The following WWOX variants were observed in gnomAD, a reference collection of about 807,000 sequenced individuals.
WWOX encodes WW domain containing oxidoreductase.
Under a neutral mutation model 46.2 loss-of-function variants are expected in WWOX, and 69 were observed. The ratio of observed to expected loss-of-function variants is 1.49; its 90% CI spans 1.23 to 1.82. The LOEUF (loss-of-function observed/expected upper bound fraction) is 1.82, where lower values mean the gene tolerates loss of function less well. WWOX is among the 40% of genes most tolerant of loss of function. The pLI is 0.00. For synonymous variants in WWOX, 359 were observed against 202.6 expected (o/e 1.77, Z -6.56); for missense variants, 919 against 542.6 (o/e 1.69, Z -6.89).
At chr16:78,426,549 A>T (rs373360990) in intron 7 of WWOX, among the ~76,000 whole-genome samples, 29 of 152,260 alleles carry the variant, frequency 1.9e-4, no homozygotes, top group African/African-American at 7.0e-4. Flanking sequence ...CTTGAATTAG[A>T]CCTATGTTAG....
intron 8 of WWOX, among the ~76,000 whole-genome samples, chr16:79,022,038 G>T (rs754772937): frequency 3.0e-4 from 45 of 152,208 alleles, no homozygotes; most frequent in Non-Finnish European, 5.4e-4. Flanking sequence ...CACATGAATA[G>T]GAGAGGGTTA....
chr16:79,140,861 A>T (rs1364700077), intron 8 of WWOX, among the ~76,000 whole-genome samples: 3 of 152,194 alleles, frequency 2.0e-5, no homozygotes, highest in Non-Finnish European at 4.4e-5. Flanking sequence ...CAGTTTCCGT[A>T]CGTCAGTTTC....
chr16:78,694,800 TAA>T (rs1368801197), intron 8 of WWOX, among the ~76,000 whole-genome samples: 5 of 152,050 alleles, frequency 3.3e-5, no homozygotes, highest in African/African-American at 7.2e-5. Context: ...GCTCTTGATT[TAA>T]GTCCTGAATC....
intron 8 of WWOX, among the ~76,000 whole-genome samples, chr16:79,095,223 C>G (rs908096171): frequency 1.3e-5 from 2 of 152,230 alleles, no homozygotes; most frequent in Non-Finnish European, 2.9e-5. Context: ...CCCAACAGGG[C>G]TTTCTCCCTC....
At chr16:78,817,172 C>CTTTTTTTTTTTTTTTTTTTTTT (rs33981779) in intron 8 of WWOX, among the ~76,000 whole-genome samples, 1 of 51,594 alleles carries the variant, frequency 1.9e-5, no homozygotes, top group Non-Finnish European at 3.4e-5. Flanking sequence ...TAGTGCTATT[C>CTTTTTTTTTTTTTTTTTTTTTT]TTTTTTTTTT....
At chr16:78,129,048 G>A (rs2033481180) in intron 4 of WWOX, among the ~76,000 whole-genome samples, 1 of 152,168 alleles carries the variant, frequency 6.6e-6, no homozygotes, top group African/African-American at 2.4e-5. Context: ...CTCAGTCAGG[G>A]TGTGGAGTCA....
chr16:78,612,554 C>A (rs1010472464), intron 8 of WWOX, among the ~76,000 whole-genome samples: 1 of 152,212 alleles, frequency 6.6e-6, no homozygotes, highest in Non-Finnish European at 1.5e-5. Context: ...GATTTCATTG[C>A]AGCCTGGAAC....
At chr16:78,728,130 T>G (rs183429664) in intron 8 of WWOX, among the ~76,000 whole-genome samples, 1 of 135,570 alleles carries the variant, frequency 7.4e-6, no homozygotes, top group East Asian at 2.5e-4. Context: ...AGTGGCCCAG[T>G]CACAGGTTAC....
chr16:78,401,877 T>C (rs1023134619), intron 6 of WWOX, among the ~76,000 whole-genome samples: 2 of 152,086 alleles, frequency 1.3e-5, no homozygotes, highest in African/African-American at 4.8e-5. Flanking sequence ...TTTTTGTATT[T>C]TTAGTAGACA....
rs577338141 is a variant in WWOX at position 78,670,230 on chromosome 16, G to C, written c.1056+237478G>C. On this transcript the variant is annotated intron_variant, in intron 8 of 8. Transcript: ENST00000566780. Reference sequence around the variant, plus strand: ...AGCTGGAGTTTAGGAAGGCCAGGCAGCGTGTGTTGAATGCCAGCCACTCTT... The same window carrying C: ...AGCTGGAGTTTAGGAAGGCCAGGCACCGTGTGTTGAATGCCAGCCACTCTT... 5.3e-5 allele frequency among the ~76,000 whole-genome samples: 8 copies of C among 152,272 alleles called. No homozygotes were observed. The South Asian group carries it at 1.5e-3, about 28-fold the overall frequency.
intron 6 of WWOX, among the ~76,000 whole-genome samples, chr16:78,410,498 T>C (rs2082654442): frequency 6.6e-6 from 1 of 152,110 alleles, no homozygotes; most frequent in South Asian, 2.1e-4. Context: ...TCAGGGTCTT[T>C]CTTGGGCTGC....
chr16:78,600,320 A>G (rs887853825), intron 8 of WWOX, among the ~76,000 whole-genome samples: 1 of 151,978 alleles, frequency 6.6e-6, no homozygotes, highest in Non-Finnish European at 1.5e-5. Context: ...TAAATAAGAG[A>G]AACAGACCAA....
At chr16:78,313,928 C>T (rs1294744401) in intron 5 of WWOX, among the ~76,000 whole-genome samples, 1 of 152,172 alleles carries the variant, frequency 6.6e-6, no homozygotes, top group Non-Finnish European at 1.5e-5. Context: ...TCCCCAGTGA[C>T]ACTTCCCTTA....
chr16:78,606,854 G>A (rs1490769145), intron 8 of WWOX, among the ~76,000 whole-genome samples: 2 of 151,684 alleles, frequency 1.3e-5, no homozygotes, highest in Admixed American at 6.6e-5. Context: ...GAATGTAACT[G>A]AGTACCTGAA....
chr16:78,885,957 C>G (rs112848091), intron 8 of WWOX, among the ~76,000 whole-genome samples: 77 of 130,484 alleles, frequency 5.9e-4, no homozygotes, highest in African/African-American at 1.9e-3. Context: ...CAGAGTTTTG[C>G]TCTGTTGCCC....
chr16:78,815,927 A>G (rs1168100675), intron 8 of WWOX, among the ~76,000 whole-genome samples: 2 of 151,980 alleles, frequency 1.3e-5, no homozygotes, highest in Non-Finnish European at 2.9e-5. Context: ...CAACCCATTC[A>G]CTGGCCCTGC....
chr16:78,763,926 T>G lies in WWOX; in HGVS notation c.1056+331174T>G, dbSNP rs1163630492. On this transcript the variant is annotated intron_variant, in intron 8 of 8. Coordinates refer to ENST00000566780, the MANE Select transcript of WWOX (RefSeq NM_016373.4). ...GCCCCAAAACCCTCTTCTATTTCCT[T>G]TAGCACTCTTGAGCTGAAGAAGCCC... Among the ~76,000 whole-genome samples, 4 of 152,172 alleles carry G rather than the reference T, an allele frequency of 2.6e-5. No homozygotes were observed. In the South Asian group the frequency reaches 6.2e-4, roughly 24 times the overall value.
rs1555549962 is a variant in WWOX at position 78,498,214 on chromosome 16, A to AAATAAAAAAG, written c.1056+65464_1056+65465insTAAAAAAGAA. Among the ~76,000 whole-genome samples the AAATAAAAAAG allele has an allele frequency of 7.8e-3, 994 of 128,214 alleles. 47 individuals carry two copies. Among genetic ancestry groups the AAATAAAAAAG allele is most frequent in the African/African-American group, 0.023 (829 of 36,164 alleles). 84.1% of individuals were successfully genotyped at this position (128,214 alleles called of 152,430 possible). A position where few individuals can be genotyped will look rare whatever the true frequency, so the allele number is the denominator to read the frequency against. On this transcript the variant is annotated intron_variant, in intron 8 of 8. Transcript: ENST00000566780. The stretch of plus-strand genomic sequence containing the variant: ...AGCAAGACTCCATCTCAAAAAAAAA[A>AAATAAAAAAG]AAAAGAAAAAAAAGCATCAGGGTTG...
chr16:78,700,338 G>C (rs2048186705), intron 8 of WWOX, among the ~76,000 whole-genome samples: 1 of 145,718 alleles, frequency 6.9e-6, no homozygotes, highest in African/African-American at 2.5e-5. Context: ...GAGAGAGAGA[G>C]AGAGAGAGAG....
Sources: gnomAD v4.1 joint callset for allele counts (sites outside exome capture counted in the v4.1 genomes callset) on GRCh38, gnomAD v4.1.1 for gene constraint, MANE v1.5 for transcripts, NCBI Gene and HGNC (gene_info 2026-07-23, HGNC 2026-07-21) for gene names.